FHIP1A: variants seen among roughly 807,000 people sequenced by gnomAD.
FHIP1A encodes FHF complex subunit HOOK interacting protein 1A, also known as FHF complex subunit HOOK-interacting protein 1A.
Under a neutral mutation model 88.6 loss-of-function variants are expected in FHIP1A, and 61 were observed. The ratio of observed to expected loss-of-function variants is 0.69; its 90% CI spans 0.56 to 0.85. The LOEUF (loss-of-function observed/expected upper bound fraction) is 0.85. Among genes scored for constraint, FHIP1A ranks in the 40% least tolerant of loss-of-function variants. The pLI is 0.00. For synonymous variants in FHIP1A, 478 were observed against 496.0 expected (o/e 0.96, Z 0.48); for missense variants, 1,154 against 1,273.5 (o/e 0.91, Z 1.43).
At chr4:151,559,619 T>A (rs968392704) in intron 3 of FHIP1A, among the ~76,000 whole-genome samples, 14 of 152,246 alleles carry the variant, frequency 9.2e-5, no homozygotes, top group African/African-American at 3.1e-4. Flanking sequence ...TTTTTATAAT[T>A]GTAACATAGT....
chr4:151,657,210 A>G (rs529826980), intron 13 of FHIP1A, among the ~76,000 whole-genome samples: 191 of 152,168 alleles, frequency 1.3e-3, no homozygotes, highest in Non-Finnish European at 2.2e-3. Flanking sequence ...CACGGCACAC[A>G]TGGGCCAGAA....
chr4:151,657,484 G>A (rs768613496), intron 13 of FHIP1A, among the ~76,000 whole-genome samples: 1 of 152,140 alleles, frequency 6.6e-6, no homozygotes, highest in African/African-American at 2.4e-5. Context: ...AGTGAGGAGT[G>A]GGGGTGGGGG....
chr4:151,563,525 G>C (rs1733254627), intron 3 of FHIP1A, among the ~76,000 whole-genome samples: 2 of 152,138 alleles, frequency 1.3e-5, no homozygotes, highest in African/African-American at 2.4e-5. Flanking sequence ...AGAGTGCAGA[G>C]GGAAAGAAAG....
At chr4:151,448,488 C>G (rs1728684512) in intron 1 of FHIP1A, among the ~76,000 whole-genome samples, 1 of 152,168 alleles carries the variant, frequency 6.6e-6, no homozygotes, top group African/African-American at 2.4e-5. Flanking sequence ...GCCTCCAGCT[C>G]CTGGCAACCA....
At chr4:151,628,534 A>T (rs546489282) in intron 7 of FHIP1A, among the ~76,000 whole-genome samples, 1 of 152,344 alleles carries the variant, frequency 6.6e-6, no homozygotes, top group African/African-American at 2.4e-5. Context: ...GGAATATAAA[A>T]GGAATGGCCC....
intron 5 of FHIP1A, among the ~76,000 whole-genome samples, chr4:151,586,250 ATGTAT>A (rs1378427239): frequency 2.0e-5 from 3 of 151,960 alleles, no homozygotes; most frequent in Admixed American, 2.0e-4. Context: ...TTTGCACTTG[ATGTAT>A]TGTACTATAG....
At chr4:151,621,666 G>A (rs1735751526) in intron 7 of FHIP1A, among the ~76,000 whole-genome samples, 1 of 152,130 alleles carries the variant, frequency 6.6e-6, no homozygotes. Context: ...TAGAGAAGCT[G>A]CTGGTTGGGG....
chr4:151,458,502 G>T (rs1282726297), intron 2 of FHIP1A, among the ~76,000 whole-genome samples: 1 of 152,068 alleles, frequency 6.6e-6, no homozygotes, highest in African/African-American at 2.4e-5. Context: ...TGCAGAAGAT[G>T]TGTGTGGGTT....
chr4:151,638,565 T>TA (rs11450944), intron 8 of FHIP1A, 112 bp from the exon 9 acceptor site: 143,177 of 476,032 alleles, frequency 0.3, 6,799 homozygotes, highest in Non-Finnish European at 0.32. Context: ...TCAAAACTGC[T>TA]AAAAAAAAAA....
chr4:151,557,583 G>A (rs952996828), intron 3 of FHIP1A, among the ~76,000 whole-genome samples: 3 of 151,924 alleles, frequency 2.0e-5, no homozygotes, highest in Non-Finnish European at 4.4e-5. Context: ...TGGGAGAGTT[G>A]TGATCTACCC....
chr4:151,527,880 C>G (rs1300783337), intron 3 of FHIP1A, among the ~76,000 whole-genome samples: 1 of 148,932 alleles, frequency 6.7e-6, no homozygotes, highest in East Asian at 2.0e-4. Context: ...AAAAACCACT[C>G]AATGAAGTTG....
At chr4:151,549,983 A>T (rs1428798230) in intron 3 of FHIP1A, among the ~76,000 whole-genome samples, 1 of 152,148 alleles carries the variant, frequency 6.6e-6, no homozygotes, top group African/African-American at 2.4e-5. Context: ...AGACTTGAAA[A>T]ATCTTTAAAA....
rs565871893 is a variant in FHIP1A at position 151,489,772 on chromosome 4, C to T, written c.-123+7124C>T. Among the ~76,000 whole-genome samples the T allele has an allele frequency of 7.9e-5, 12 of 152,204 alleles. No individual in the cohort carries two copies. The East Asian group carries it at 1.2e-3, about 15-fold the overall frequency. ...CCACCTGGGAACATAGCTCTATTGG[C>T]CTGAGAACTACCCTCCATCCTCCTC... On this transcript the variant is annotated intron_variant, in intron 3 of 13. Transcript: ENST00000435205.
intron 1 of FHIP1A, among the ~76,000 whole-genome samples, chr4:151,417,114 CACAA>C (rs1314974198): frequency 6.6e-6 from 1 of 152,076 alleles, no homozygotes; most frequent in Non-Finnish European, 1.5e-5. Flanking sequence ...GGACTAAATG[CACAA>C]ACAAAGCAAG....
At chr4:151,464,580 G>A (rs766039215) in intron 2 of FHIP1A, among the ~76,000 whole-genome samples, 8 of 152,120 alleles carry the variant, frequency 5.3e-5, no homozygotes, top group Admixed American at 2.0e-4. Flanking sequence ...TGCTTCCTGA[G>A]GGTAAAATTT....
Position 151,432,440 on chromosome 4 carries a change from A to C in FHIP1A, c.-355-22261A>C, listed in dbSNP as rs367597990. On this transcript the variant is annotated intron_variant, in intron 1 of 13. Coordinates refer to ENST00000435205, the MANE Select transcript of FHIP1A (RefSeq NM_001109977.3). ...GGTGCTGAGAATATAGTTGTGAACA[A>C]AGCAAGCAAGGTTCCTATTCTCATT... Among the ~76,000 whole-genome samples, 37 of 152,328 alleles carry C rather than the reference A, an allele frequency of 2.4e-4. No individual in the cohort carries two copies. In the East Asian group the frequency reaches 5.0e-3, roughly 21 times the overall value.
rs1734017958 is a variant in FHIP1A, at chr4:151,581,326, G to A, written c.732+3250G>A. On this transcript the variant is annotated intron_variant, in intron 5 of 13. Coordinates refer to ENST00000435205, the MANE Select transcript of FHIP1A (RefSeq NM_001109977.3). Reference sequence around the variant, plus strand: ...GGGAAGGGATGGTAATGAGATTGGAGTAGGGTGCAGTTCTATTTGTAATTT... The same window carrying A: ...GGGAAGGGATGGTAATGAGATTGGAATAGGGTGCAGTTCTATTTGTAATTT... Among the ~76,000 whole-genome samples, 7 of 152,158 alleles carry A rather than the reference G, an allele frequency of 4.6e-5. No individual in the cohort carries two copies. In the South Asian group the frequency reaches 1.4e-3, roughly 31 times the overall value.
intron 3 of FHIP1A, among the ~76,000 whole-genome samples, chr4:151,544,620 T>C (rs1732416704): frequency 6.6e-6 from 1 of 152,150 alleles, no homozygotes; most frequent in African/African-American, 2.4e-5. Context: ...TGCTGTTTAG[T>C]GCTTTGTGCT....
At chr4:151,619,620 G>A (rs1735662173) in intron 7 of FHIP1A, among the ~76,000 whole-genome samples, 1 of 152,090 alleles carries the variant, frequency 6.6e-6, no homozygotes, top group South Asian at 2.1e-4. Flanking sequence ...TTTATCATGG[G>A]CTGCGAATAA....
Sources: allele counts gnomAD v4.1 joint callset (sites outside exome capture counted in the v4.1 genomes callset), GRCh38; gene constraint gnomAD v4.1.1; transcripts MANE v1.5; gene names NCBI Gene and HGNC (gene_info 2026-07-23, HGNC 2026-07-21).